Variants in ZNF236 observed in about 807,000 individuals in gnomAD.
The protein encoded by ZNF236 is zinc finger protein 236, also known as regulated by glucose.
Under a neutral mutation model 191.2 loss-of-function variants are expected in ZNF236, and 50 were observed. The observed-to-expected ratio is 0.26, with a 90% CI of 0.21 to 0.33. The LOEUF is 0.33. Among genes scored for constraint, ZNF236 ranks in the 10% least tolerant of loss-of-function variants. ZNF236 has a pLI of 1.00. For synonymous variants in ZNF236, 907 were observed against 928.8 expected, an observed-to-expected ratio of 0.98 and a Z score of 0.43; for missense variants, 1,754 against 2,374.5, an observed-to-expected ratio of 0.74 and a Z score of 5.43.
intron 9 of ZNF236, 127 bp from the exon 10 acceptor site, chr18:76,894,886 C>G (rs756705714): frequency 3.2e-6 from 4 of 1,265,886 alleles, no homozygotes; most frequent in Non-Finnish European, 4.4e-6. Context: ...TGTCAGTGAT[C>G]CTGGGAATTC....
chr18:76,965,457 A>T (rs977465298), intron 30 of ZNF236, among the ~76,000 whole-genome samples: 2 of 152,102 alleles, frequency 1.3e-5, no homozygotes, highest in African/African-American at 4.8e-5. Flanking sequence ...GCTGTTAAAG[A>T]GCCTTGTTTT....
intron 26 of ZNF236, among the ~76,000 whole-genome samples, chr18:76,943,362 G>A (rs752424328): frequency 2.0e-5 from 3 of 152,064 alleles, no homozygotes; most frequent in African/African-American, 7.2e-5. Flanking sequence ...GGAGCAGGCC[G>A]GTGGTAGTTG....
intron 9 of ZNF236, among the ~76,000 whole-genome samples, chr18:76,889,193 A>T (rs1302486223): frequency 6.6e-6 from 1 of 152,180 alleles, no homozygotes; most frequent in Non-Finnish European, 1.5e-5. Context: ...CTTGGCAAAT[A>T]TCTGCCTTCG....
intron 9 of ZNF236, among the ~76,000 whole-genome samples, chr18:76,894,595 CTTAA>C (rs1274825715): frequency 6.6e-6 from 1 of 152,086 alleles, no homozygotes; most frequent in Non-Finnish European, 1.5e-5. Flanking sequence ...TTTACTGTTT[CTTAA>C]TTATTTGCAT....
At chr18:76,824,164 G>T (rs936268880) in intron 1 of ZNF236, 7 of 611,312 alleles carry the variant, frequency 1.1e-5, no homozygotes, top group Non-Finnish European at 2.1e-5. Context: ...GGTCGGGCCT[G>T]GAAACTACAA....
In ZNF236 at chr18:76,942,804, A is replaced by G. The variant is rs868404097; in HGVS notation, c.4783-4717A>G. On this transcript the variant is annotated intron_variant, in intron 26 of 30. Transcript: ENST00000320610. ...GCTGGGATTACAGGCATGAGCCACC[A>G]CGCCCAGCCTAGTATTCTTAAATAA... Among the ~76,000 whole-genome samples the G allele has an allele frequency of 2.3e-4, 34 of 147,602 alleles. No homozygotes were observed. In the South Asian group the frequency reaches 5.9e-3, roughly 26 times the overall value.
chr18:76,958,567 C>T (rs933640744), intron 28 of ZNF236, among the ~76,000 whole-genome samples: 2 of 152,192 alleles, frequency 1.3e-5, no homozygotes, highest in South Asian at 2.1e-4. Context: ...CAGAAACAGG[C>T]GGCTCCATCC....
chr18:76,914,731 T>C (rs1215065039), intron 18 of ZNF236, among the ~76,000 whole-genome samples: 2 of 152,210 alleles, frequency 1.3e-5, no homozygotes, highest in South Asian at 2.1e-4. Context: ...TTATTTGCCT[T>C]ATTGAGTTGT....
At chr18:76,826,266 C>T (rs751427458) in intron 1 of ZNF236, among the ~76,000 whole-genome samples, 40 of 151,298 alleles carry the variant, frequency 2.6e-4, no homozygotes, top group Non-Finnish European at 5.3e-4. Flanking sequence ...CGTGAGCCAC[C>T]ATGGCTAGCT....
At chr18:76,922,359 G>C (rs1042528022) in intron 20 of ZNF236, among the ~76,000 whole-genome samples, 1 of 152,196 alleles carries the variant, frequency 6.6e-6, no homozygotes, top group African/African-American at 2.4e-5. Context: ...CAGCCAACAG[G>C]ATGGGGGAAA....
In ZNF236 at chr18:76,947,955, A is replaced by G. The variant is rs77279120; in HGVS notation, c.4914+303A>G. 6.8e-3 allele frequency among the ~76,000 whole-genome samples: 1,041 copies of G among 152,298 alleles called. 10 individuals are homozygous for G. Among genetic ancestry groups the G allele is most frequent in the African/African-American group, 0.023 (960 of 41,558 alleles). ...ATTTTAAATTTATTAATATCTTATT[A>G]TATTTGCCTGCTGATCAGACTTCAC... is the stretch of plus-strand genomic sequence containing the variant. On this transcript the variant is annotated intron_variant, in intron 27 of 30. Transcript: ENST00000320610.
intron 1 of ZNF236, among the ~76,000 whole-genome samples, chr18:76,823,808 C>G (rs1308056801): frequency 3.3e-5 from 5 of 152,222 alleles, no homozygotes; most frequent in Non-Finnish European, 4.4e-5. Flanking sequence ...GCCGCGGTTC[C>G]CAGGTCGAGG....
intron 28 of ZNF236, among the ~76,000 whole-genome samples, chr18:76,957,501 G>A (rs1192418732): frequency 1.3e-5 from 2 of 152,124 alleles, no homozygotes; most frequent in Non-Finnish European, 2.9e-5. Context: ...TGGCTGCTTG[G>A]GTTCTTTTTC....
rs762660872 is a variant in ZNF236 at position 76,899,206 on chromosome 18, C to A, written c.1878C>A (p.Ile626=). 1.9e-6 allele frequency: 3 copies of A among 1,613,586 alleles called. No homozygotes were observed. Among genetic ancestry groups the A allele is most frequent in the East Asian group, 2.2e-5 (1 of 44,866 alleles). ...CTGATATTCCTTTGCAGGAACCAAT[C>A]CTCATAACTGACTTAGGTAAGATGG... is the stretch of plus-strand genomic sequence containing the variant. ...PVPDIPLQEP[I]LITDLGLIQP... is the part of the protein sequence containing the mutation. The change falls in exon 11 of 31, where the codon ATC becomes ATA. Residue 626 remains isoleucine, a synonymous_variant. Coordinates refer to ENST00000320610, the MANE Select transcript of ZNF236 (RefSeq NM_001306089.2).
At chr18:76,938,331 A>G (rs1220978142) in intron 26 of ZNF236, among the ~76,000 whole-genome samples, 1 of 152,200 alleles carries the variant, frequency 6.6e-6, no homozygotes, top group Non-Finnish European at 1.5e-5. Flanking sequence ...TCGATGCTGC[A>G]GTGAGCCATG....
chr18:76,872,350 A>C (rs1462372553), intron 5 of ZNF236, among the ~76,000 whole-genome samples: 1 of 152,190 alleles, frequency 6.6e-6, no homozygotes, highest in African/African-American at 2.4e-5. Flanking sequence ...GCGTGGTAGC[A>C]CCCACCTGTA....
intron 20 of ZNF236, among the ~76,000 whole-genome samples, chr18:76,920,590 A>G (rs72985220): frequency 0.012 from 1,775 of 151,492 alleles, 16 homozygotes; most frequent in South Asian, 0.029. Flanking sequence ...TAGATTGCTT[A>G]TGCTTATTTC....
chr18:76,863,118 G>A (rs1005598428), intron 3 of ZNF236, among the ~76,000 whole-genome samples: 1 of 152,208 alleles, frequency 6.6e-6, no homozygotes, highest in Non-Finnish European at 1.5e-5. Context: ...GAGAATCAGA[G>A]GAGAACCTGA....
At chr18:76,846,016 C>T (rs1317856158) in intron 1 of ZNF236, among the ~76,000 whole-genome samples, 2 of 152,212 alleles carry the variant, frequency 1.3e-5, no homozygotes, top group Admixed American at 1.3e-4. Flanking sequence ...TGCATATGTG[C>T]AGGTGTGGGT....
Sources: allele counts gnomAD v4.1 joint callset (sites outside exome capture counted in the v4.1 genomes callset), GRCh38; gene constraint gnomAD v4.1.1; transcripts MANE v1.5; gene names NCBI Gene and HGNC (gene_info 2026-07-23, HGNC 2026-07-21).